EDDM3A: variants seen among roughly 807,000 people sequenced by gnomAD.
EDDM3A encodes epididymal secretory protein E3-alpha.
For missense variants in EDDM3A, 199 were observed against 177.4 expected, an observed-to-expected ratio of 1.12 and a Z score of -0.69; for synonymous variants, 75 against 60.4, an observed-to-expected ratio of 1.24 and a Z score of -1.12.
chr14:20,747,707 C>T lies in EDDM3A; in HGVS notation c.127C>T (p.Arg43Ter), dbSNP rs138978934. The T allele has an allele frequency of 3.4e-4, 553 of 1,613,904 alleles. 1 individual carries two copies. The African/African-American group carries it at 6.6e-3, about 19-fold the overall frequency. The part of the protein sequence containing the change: ...FIKLHYLSPS[R>*]EFKEYKCDVL... ...AAAACTTCATTACTTAAGTCCAAGT[C>T]GAGAATTCAAAGAGTACAAATGTGA... Residue 43 changes from arginine to a stop codon, truncating the protein, a stop_gained, in exon 2 of 2, where the codon CGA becomes TGA. Transcript: ENST00000326842. LOFTEE classifies it low-confidence loss of function (END_TRUNC).
chr14:20,739,663 G>A, the EDDM3A span, among the ~76,000 whole-genome samples: 1 of 152,150 alleles, frequency 6.6e-6, no homozygotes, highest in Non-Finnish European at 1.5e-5. Flanking sequence ...CATTCTAATA[G>A]ATGTGTAGTA....
chr14:20,747,362 G>T (rs1381188286), intron 1 of EDDM3A, among the ~76,000 whole-genome samples, 193 bp from the exon 2 acceptor site: 4 of 152,228 alleles, frequency 2.6e-5, no homozygotes, highest in Middle Eastern at 3.4e-3. Context: ...CTCCCAAACT[G>T]CTGGGATTAC....
Position 20,748,120 on chromosome 14 carries a change from A to T in EDDM3A, c.*96A>T, listed in dbSNP as rs1462455900. 5 of 849,650 alleles carry T rather than the reference A, an allele frequency of 5.9e-6. No individual in the cohort carries two copies. 52.6% of individuals were successfully genotyped at this position (849,650 alleles called of 1,614,324 possible). A position where few individuals can be genotyped will look rare whatever the true frequency, so the allele number is the denominator to read the frequency against. ...CAATAGCCCCTGCCACTCCCCGCTT[A>T]CATTTATGTGTCAGTGTTTTCCAAC... On this transcript the variant is annotated 3_prime_UTR_variant, in exon 2 of 2. Coordinates refer to ENST00000326842, the MANE Select transcript of EDDM3A (RefSeq NM_006683.5).
At chr14:20,737,880 T>G in the EDDM3A span, among the ~76,000 whole-genome samples, 1 of 152,200 alleles carries the variant, frequency 6.6e-6, no homozygotes, top group South Asian at 2.1e-4. Flanking sequence ...TTTGTCCAGG[T>G]CCGGTATGGG....
At chr14:20,736,926 T>C in the EDDM3A span, among the ~76,000 whole-genome samples, 1 of 152,178 alleles carries the variant, frequency 6.6e-6, no homozygotes, top group Non-Finnish European at 1.5e-5. Context: ...TTGCCGAGGC[T>C]GATCTCAAAC....
the EDDM3A span, among the ~76,000 whole-genome samples, chr14:20,739,081 A>C: frequency 6.6e-6 from 1 of 152,212 alleles, no homozygotes; most frequent in Non-Finnish European, 1.5e-5. Context: ...CAAAATAAGC[A>C]GTCCAAAATA....
chr14:20,736,052 A>G, the EDDM3A span, among the ~76,000 whole-genome samples: 4 of 152,094 alleles, frequency 2.6e-5, no homozygotes, highest in South Asian at 2.1e-4. Flanking sequence ...AGAGAAACCA[A>G]GGTACACCTG....
the EDDM3A span, among the ~76,000 whole-genome samples, chr14:20,737,889 G>T: frequency 1.3e-5 from 2 of 152,188 alleles, no homozygotes; most frequent in African/African-American, 4.8e-5. Context: ...GTCCGGTATG[G>T]GGTGGAAAAG....
chr14:20,741,280 A>C (rs147353338), upstream of EDDM3A, among the ~76,000 whole-genome samples: 2 of 152,368 alleles, frequency 1.3e-5, no homozygotes, highest in African/African-American at 4.8e-5. Flanking sequence ...AAGGCCTCAG[A>C]AAATTTAAAG....
chr14:20,740,193 T>G, the EDDM3A span, among the ~76,000 whole-genome samples: 1 of 152,232 alleles, frequency 6.6e-6, no homozygotes, highest in African/African-American at 2.4e-5. Flanking sequence ...ACTATTTCTC[T>G]GCTGCTATCA....
At chr14:20,737,513 A>G in the EDDM3A span, among the ~76,000 whole-genome samples, 1,687 of 152,274 alleles carry the variant, frequency 0.011, 32 homozygotes, top group African/African-American at 0.039. Flanking sequence ...ACACTCACAG[A>G]TATCTCCACT....
upstream of EDDM3A, among the ~76,000 whole-genome samples, chr14:20,741,096 C>A (rs1001874332): frequency 6.6e-6 from 1 of 152,222 alleles, no homozygotes; most frequent in African/African-American, 2.4e-5. Context: ...TCTTCTATAT[C>A]CTATATCCCA....
rs372769674 is a variant in EDDM3A, at chr14:20,747,771, G to A, written c.191G>A (p.Ser64Asn). 2 of 1,614,044 alleles carry A rather than the reference G, an allele frequency of 1.2e-6. No individual in the cohort carries two copies. Among genetic ancestry groups the A allele is most frequent in the African/African-American group, 2.7e-5 (2 of 74,920 alleles). ...MREKEALKGK[S>N]FHMFIYSLWF... Reference sequence around the variant, plus strand: ...GAAAAAGAGGCTCTGAAAGGCAAGAGCTTTCATATGTTCATCTATAGCTTA... The same window carrying A: ...GAAAAAGAGGCTCTGAAAGGCAAGAACTTTCATATGTTCATCTATAGCTTA... The change falls in exon 2 of 2, where the codon AGC (serine) becomes AAC (asparagine). Residue 64 changes from serine to asparagine, a missense_variant. Transcript: ENST00000326842.
chr14:20,742,350 T>C (rs146142219), upstream of EDDM3A, among the ~76,000 whole-genome samples: 770 of 152,368 alleles, frequency 5.1e-3, 3 homozygotes, highest in Non-Finnish European at 8.6e-3. Context: ...GTTTTTGTTG[T>C]CTGATTTCCT....
At chr14:20,737,688 G>A in the EDDM3A span, among the ~76,000 whole-genome samples, 5 of 152,130 alleles carry the variant, frequency 3.3e-5, no homozygotes, top group Non-Finnish European at 4.4e-5. Context: ...GAAGGTTGGA[G>A]GACTTTAAAA....
At chr14:20,747,195 C>G in intron 1 of EDDM3A, among the ~76,000 whole-genome samples, 1 of 151,402 alleles carries the variant, frequency 6.6e-6, no homozygotes, top group East Asian at 1.9e-4. Flanking sequence ...CCTCCGCCTC[C>G]CAGGTTCAAG....
chr14:20,741,155 C>G (rs1342028935), upstream of EDDM3A, among the ~76,000 whole-genome samples: 1 of 152,038 alleles, frequency 6.6e-6, no homozygotes, highest in Non-Finnish European at 1.5e-5. Flanking sequence ...AAGGGCATGC[C>G]CAAGCAGATG....
upstream of EDDM3A, among the ~76,000 whole-genome samples, chr14:20,743,744 A>G (rs771619086): frequency 6.6e-5 from 10 of 152,202 alleles, no homozygotes; most frequent in African/African-American, 1.7e-4. Flanking sequence ...AAGTAGACCC[A>G]TTACGTAGTT....
upstream of EDDM3A, among the ~76,000 whole-genome samples, chr14:20,745,223 CAA>C (rs68175858): frequency 8.9e-5 from 12 of 134,954 alleles, no homozygotes; most frequent in Non-Finnish European, 9.4e-5. Flanking sequence ...AAGACCCTGT[CAA>C]AAAAAAAAAA....
Sources: allele counts gnomAD v4.1 joint callset (sites outside exome capture counted in the v4.1 genomes callset), GRCh38; gene constraint gnomAD v4.1.1; transcripts MANE v1.5; gene names NCBI Gene and HGNC (gene_info 2026-07-23, HGNC 2026-07-21).